The following S1PR3 variants were observed in gnomAD, a reference collection of about 807,000 sequenced individuals.
S1PR3 encodes the protein sphingosine-1-phosphate receptor 3, also known as sphingosine 1-phosphate receptor 3.
S1PR3 carries 12 observed loss-of-function variants against 13.3 expected under a neutral mutation model. The observed-to-expected ratio is 0.90, with a 90% CI of 0.58 to 1.46. S1PR3 has a LOEUF of 1.46. S1PR3 is among the 40% of genes most tolerant of loss of function. The pLI is 0.00. For synonymous variants in S1PR3, 232 were observed against 214.0 expected (o/e 1.08, Z -0.73); for missense variants, 450 against 501.9 (o/e 0.90, Z 0.99).
At chr9:88,999,893 T>C (rs1427411810) in intron 1 of S1PR3, 1 of 152,086 alleles carries the variant, frequency 6.6e-6, no homozygotes, top group East Asian at 1.9e-4. Context: ...TCCCAGCTAC[T>C]TGGGAGGCTG....
At position 88,991,856 on chromosome 9, in the gene S1PR3, G is replaced by A. The variant is rs781684834; in HGVS notation, c.-148+161G>A. On this transcript the variant is annotated intron_variant, in intron 1 of 1. Transcript: ENST00000358157. This position sits in a 1 kb window ranked among gnomAD's most constrained non-coding sequence, Gnocchi z 4.0. ...ACATCAGCACCCCTCCCCCAGAGCC[G>A]CTGCAGGAACAGGGAGGAGGCCTTT... 7 of 1,613,972 alleles carry A rather than the reference G, an allele frequency of 4.3e-6. No homozygotes were observed. In the South Asian group the frequency reaches 6.6e-5, roughly 15 times the overall value.
intron 1 of S1PR3, chr9:88,992,049 C>G: frequency 6.3e-7 from 1 of 1,594,012 alleles, no homozygotes. Context: ...GGGTTGTGGT[C>G]GTTAGCCTGG....
At chr9:88,992,073 T>A (rs1825727505) in intron 1 of S1PR3, 1 of 1,561,488 alleles carries the variant, frequency 6.4e-7, no homozygotes, top group African/African-American at 1.4e-5. Flanking sequence ...AATCATTCTT[T>A]TAAACAATAT....
intron 1 of S1PR3, chr9:88,996,548 G>A (rs1301704894): frequency 1.3e-5 from 2 of 152,252 alleles, no homozygotes; most frequent in African/African-American, 4.8e-5. Context: ...ATCCTGTAGG[G>A]TTTCATTCAC....
At chr9:88,991,403 G>C, upstream of S1PR3, 1 of 1,498,236 alleles carries the variant, frequency 6.7e-7, no homozygotes, top group Non-Finnish European at 9.0e-7. The surrounding 1 kb of genome is among the most constrained non-coding windows in gnomAD (Gnocchi z 4.0). Flanking sequence ...GGCGAGGGGA[G>C]GGGCGGAGCG....
intron 1 of S1PR3, chr9:88,998,010 G>A (rs1266463727): frequency 6.6e-6 from 1 of 152,262 alleles, no homozygotes; most frequent in Admixed American, 6.5e-5. Flanking sequence ...GGTGGCAGGA[G>A]ACAGCCTGAT....
At chr9:88,997,702 A>AT (rs1825821203) in intron 1 of S1PR3, 1 of 152,244 alleles carries the variant, frequency 6.6e-6, no homozygotes, top group African/African-American at 2.4e-5. Context: ...GAAACCCAAC[A>AT]TACTGGAGTG....
In S1PR3 at chr9:88,991,631, GC is replaced by G; in HGVS notation, c.-208del. 1 of 1,529,118 alleles carries G rather than the reference GC, an allele frequency of 6.5e-7. No homozygotes were observed. 94.7% of individuals were successfully genotyped at this position (1,529,118 alleles called of 1,614,324 possible). A position where few individuals can be genotyped will look rare whatever the true frequency, so the allele number is the denominator to read the frequency against. On this transcript the variant is annotated 5_prime_UTR_variant, in exon 1 of 2. Transcript: ENST00000358157. The surrounding 1 kb of genome is among the most constrained non-coding windows in gnomAD (Gnocchi z 4.0). Reference sequence around the variant, plus strand: ...CTGGCATTCGAGCGCAGGACCGGGCGCCCCGGCACCGCCGCGCGCCACCCGC... The same window carrying G: ...CTGGCATTCGAGCGCAGGACCGGGCGCCCGGCACCGCCGCGCGCCACCCGC...
rs113971313 is a variant in S1PR3 at position 89,002,774 on chromosome 9, G to T, written c.*437G>T. 6.4e-3 allele frequency: 1,365 copies of T among 213,356 alleles called. 16 individuals carry two copies. Among genetic ancestry groups the T allele is most frequent in the African/African-American group, 0.029 (1,277 of 43,840 alleles). 13.2% of individuals were successfully genotyped at this position (213,356 alleles called of 1,614,324 possible). A position where few individuals can be genotyped will look rare whatever the true frequency, so the allele number is the denominator to read the frequency against. On this transcript the variant is annotated 3_prime_UTR_variant, in exon 2 of 2. Coordinates refer to ENST00000358157, the MANE Select transcript of S1PR3 (RefSeq NM_005226.4). ...ATGTTACACAGAATTTGTGTTGCAG[G>T]TGTTTGCCATGTGGTACCTACATAG...
chr9:89,001,120 AG>A lies in S1PR3; in HGVS notation c.-80del. On this transcript the variant is annotated 5_prime_UTR_variant, in exon 2 of 2. It introduces an in-frame stop codon into an upstream open reading frame of the 5' UTR. Coordinates refer to ENST00000358157, the MANE Select transcript of S1PR3 (RefSeq NM_005226.4). ...CCTTGCTGAATGAAGCCGGAACCTC[AG>A]CCCCGCTTCCCTTTGAAATGAATGT... 6.6e-7 allele frequency: 1 copy of A among 1,510,860 alleles called. No homozygotes were observed. Among genetic ancestry groups the A allele is most frequent in the Non-Finnish European group, 9.0e-7 (1 of 1,111,702 alleles). The allele number at this position is 1,510,860 out of a possible 1,614,324, so 93.6% of individuals were successfully genotyped here. A position where few individuals can be genotyped will look rare whatever the true frequency, so the allele number is the denominator to read the frequency against.
In S1PR3 at chr9:88,991,840, C is replaced by G; in HGVS notation, c.-148+145C>G. 1 of 1,613,402 alleles carries G rather than the reference C, an allele frequency of 6.2e-7. No homozygotes were observed. The highest frequency in any genetic ancestry group is 8.5e-7 in the Non-Finnish European group (1 of 1,179,628). Reference sequence around the variant, plus strand: ...GCGGCCGGAGCGCTCCACATCAGCACCCCTCCCCCAGAGCCGCTGCAGGAA... The same window carrying G: ...GCGGCCGGAGCGCTCCACATCAGCAGCCCTCCCCCAGAGCCGCTGCAGGAA... On this transcript the variant is annotated intron_variant, in intron 1 of 1. Coordinates refer to ENST00000358157, the MANE Select transcript of S1PR3 (RefSeq NM_005226.4). The surrounding 1 kb of genome is among the most constrained non-coding windows in gnomAD (Gnocchi z 4.0).
chr9:89,000,959 C>T, intron 1 of S1PR3, 95 bp from the exon 2 acceptor site: 2 of 549,194 alleles, frequency 3.6e-6, no homozygotes, highest in Non-Finnish European at 6.5e-6. Context: ...CCAGTACTTC[C>T]ACGTTTTTCA....
In S1PR3 at chr9:89,001,915, A is replaced by G. The variant is rs1291909262; in HGVS notation, c.715A>G (p.Met239Val). 6.2e-7 allele frequency: 1 copy of G among 1,614,226 alleles called. No individual in the cohort carries two copies. The highest frequency in any genetic ancestry group is 8.5e-7 in the Non-Finnish European group (1 of 1,180,044). The change falls in exon 2 of 2, where the codon ATG becomes GTG. Residue 239 changes from methionine to valine, a missense_variant. Coordinates refer to ENST00000358157, the MANE Select transcript of S1PR3 (RefSeq NM_005226.4). The part of the protein sequence containing the change: ...VANHNNSERS[M>V]ALLRTVVIVV... Reference sequence around the variant, plus strand: ...CAACCACAACAACTCGGAGCGGTCCATGGCACTGCTGCGGACCGTGGTGAT... The same window carrying G: ...CAACCACAACAACTCGGAGCGGTCCGTGGCACTGCTGCGGACCGTGGTGAT...
In S1PR3 at chr9:88,991,738, G is replaced by T; in HGVS notation, c.-148+43G>T. The T allele has an allele frequency of 6.5e-7, 1 of 1,545,988 alleles. No individual in the cohort carries two copies. The highest frequency in any genetic ancestry group is 8.7e-7 in the Non-Finnish European group (1 of 1,144,098). ...GCGGGGCGCGGAACCAGGGTGGGGGGCTGGGGGCCGAAGGACCCACCTTTC... is the reference window on the plus strand; with the variant it reads ...GCGGGGCGCGGAACCAGGGTGGGGGTCTGGGGGCCGAAGGACCCACCTTTC... On this transcript the variant is annotated intron_variant, in intron 1 of 1. Transcript: ENST00000358157. The surrounding 1 kb of genome is among the most constrained non-coding windows in gnomAD (Gnocchi z 4.0).
chr9:89,002,494 C>A lies in S1PR3; in HGVS notation c.*157C>A. The stretch of plus-strand genomic sequence containing the variant: ...CTCTTACAGAGGGGGCCCAAGGAAT[C>A]ACCACCCCGCTTCAGTGTAAACAAC... On this transcript the variant is annotated 3_prime_UTR_variant, in exon 2 of 2. Coordinates refer to ENST00000358157, the MANE Select transcript of S1PR3 (RefSeq NM_005226.4). 1.2e-6 allele frequency: 1 copy of A among 841,588 alleles called. No homozygotes were observed. Among genetic ancestry groups the A allele is most frequent in the Admixed American group, 2.8e-5 (1 of 35,194 alleles). 52.1% of individuals were successfully genotyped at this position (841,588 alleles called of 1,614,324 possible). A position where few individuals can be genotyped will look rare whatever the true frequency, so the allele number is the denominator to read the frequency against.
intron 1 of S1PR3, chr9:88,992,900 A>G (rs1408473071): frequency 6.6e-6 from 1 of 152,500 alleles, no homozygotes; most frequent in Admixed American, 6.6e-5. Context: ...TAGAAGAAGA[A>G]CCGCACGTCA....
In S1PR3 at chr9:89,001,265, A is replaced by G; in HGVS notation, c.65A>G (p.Tyr22Cys). The change falls in exon 2 of 2, where the codon TAC becomes TGC. Residue 22 changes from tyrosine to cysteine, a missense_variant. Tyr to Cys is a radical substitution (Grantham distance 194). Transcript: ENST00000358157. ...VRGNETLREH[Y>C]QYVGKLAGRL... The stretch of plus-strand genomic sequence containing the variant: ...GGGAACGAGACCCTGCGGGAGCATT[A>G]CCAGTACGTGGGGAAGTTGGCGGGC... 2 of 1,614,084 alleles carry G rather than the reference A, an allele frequency of 1.2e-6. No homozygotes were observed.
At chr9:88,994,712 C>T (rs1587664595) in intron 1 of S1PR3, 1 of 167,074 alleles carries the variant, frequency 6.0e-6, no homozygotes, top group Non-Finnish European at 1.5e-5. Context: ...TGGACTATGC[C>T]CAGATAGCTC....
chr9:89,002,577 T>A lies in S1PR3; in HGVS notation c.*240T>A, dbSNP rs1386888897. 1 of 576,806 alleles carries A rather than the reference T, an allele frequency of 1.7e-6. No homozygotes were observed. Among genetic ancestry groups the A allele is most frequent in the African/African-American group, 1.9e-5 (1 of 53,206 alleles). 35.7% of individuals were successfully genotyped at this position (576,806 alleles called of 1,614,324 possible). On this transcript the variant is annotated 3_prime_UTR_variant, in exon 2 of 2. Transcript: ENST00000358157. ...CAGATGTACTAAGCTGCTGACATCA[T>A]CCACTGCCTTCTGCTGCATCCTAGA...
Sources: allele counts gnomAD v4.1 joint callset, GRCh38; gene constraint gnomAD v4.1.1; non-coding constraint Gnocchi (gnomAD v3.1); transcripts MANE v1.5; gene names NCBI Gene and HGNC (gene_info 2026-07-23, HGNC 2026-07-21).